Variants in CPT1A observed in about 807,000 individuals in gnomAD.
The protein encoded by CPT1A is carnitine palmitoyltransferase 1A.
A neutral mutation model predicts 100.8 loss-of-function variants in CPT1A; 64 were observed. The ratio of observed to expected loss-of-function variants is 0.63; its 90% CI spans 0.52 to 0.78. CPT1A has a LOEUF of 0.78. Ranked by LOEUF, CPT1A falls within the 30% of genes least tolerant of loss-of-function variation. CPT1A has a pLI of 0.00. For synonymous variants in CPT1A, 363 were observed against 396.0 expected, an observed-to-expected ratio of 0.92 and a Z score of 0.99; for missense variants, 802 against 1,034.1, an observed-to-expected ratio of 0.78 and a Z score of 3.08.
In CPT1A at chr11:68,761,622, G is replaced by A. The variant is rs115731492; in HGVS notation, c.1941C>T (p.Ala647=). The A allele has an allele frequency of 6.2e-7, 1 of 1,614,098 alleles. No individual in the cohort carries two copies. Among genetic ancestry groups the A allele is most frequent in the East Asian group, 2.2e-5 (1 of 44,876 alleles). Residue 647 remains alanine (A), a synonymous_variant, in exon 16 of 19, where the codon GCC becomes GCT. Transcript: ENST00000265641. ...SEKHQHMYRL[A]MTGSGIDRHL... ...GACGATCGATCCCAGAGCCGGTCAT[G>A]GCGAGGCGATACATATGCTGATGCT... is the stretch of plus-strand genomic sequence containing the variant.
At chr11:68,834,453 A>C (rs1856959858) in intron 1 of CPT1A, among the ~76,000 whole-genome samples, 1 of 150,948 alleles carries the variant, frequency 6.6e-6, no homozygotes, top group African/African-American at 2.4e-5. Context: ...AAAAATAATA[A>C]AATAAAAGGA....
chr11:68,776,842 T>C (rs976476175), intron 12 of CPT1A, among the ~76,000 whole-genome samples: 14 of 152,162 alleles, frequency 9.2e-5, no homozygotes, highest in Non-Finnish European at 1.3e-4. Context: ...TGTACACTTT[T>C]AAAGGGTGGA....
chr11:68,804,275 A>G (rs557012302), intron 4 of CPT1A, among the ~76,000 whole-genome samples, 174 bp from the exon 5 acceptor site: 1 of 152,354 alleles, frequency 6.6e-6, no homozygotes, highest in Admixed American at 6.5e-5. Flanking sequence ...TCCCGTGCGC[A>G]CAATGTGCCA....
At chr11:68,816,997 G>GGT (rs1856430488) in intron 1 of CPT1A, among the ~76,000 whole-genome samples, 1 of 115,222 alleles carries the variant, frequency 8.7e-6, no homozygotes, top group African/African-American at 3.5e-5. Context: ...GTGGGTGTGT[G>GGT]TGTGGTATGT....
rs551691294 is a variant in CPT1A at position 68,779,573 on chromosome 11, A to C, written c.1458+1067T>G. ...CACTTTGGGAGGCCCAGGCAGGCAG[A>C]TCCCCTGTGCCCAGGAGTTCAAGAC... On this transcript the variant is annotated intron_variant, in intron 12 of 18. Coordinates refer to ENST00000265641, the MANE Select transcript of CPT1A (RefSeq NM_001876.4). Among the ~76,000 whole-genome samples, 104 of 151,686 alleles carry C rather than the reference A, an allele frequency of 6.9e-4. 2 individuals carry two copies. The South Asian group carries it at 0.021, about 31-fold the overall frequency.
chr11:68,773,316 G>A lies in CPT1A; in HGVS notation c.1689C>T (p.Arg563=). The change falls in exon 14 of 19, where the codon CGC becomes CGT. Residue 563 remains arginine, a synonymous_variant. Coordinates refer to ENST00000265641, the MANE Select transcript of CPT1A (RefSeq NM_001876.4). ...AFGKGIIKKC[R]TSPDAFVQLA... ...GCTGCACAAAGGCGTCTGGGCTCGT[G>A]CGACATTTCTTGATGATTCCTTTAC... 6.2e-7 allele frequency: 1 copy of A among 1,614,184 alleles called. No individual in the cohort carries two copies.
chr11:68,814,604 G>A lies in CPT1A; in HGVS notation c.141+730C>T, dbSNP rs142361340. Among the ~76,000 whole-genome samples the A allele has an allele frequency of 7.2e-5, 11 of 152,250 alleles. No individual in the cohort carries two copies. In the East Asian group the frequency reaches 1.9e-3, roughly 27 times the overall value. Reference sequence around the variant, plus strand: ...ATTACAGGTGTGAGCCACTGCACCCGGACCTTATGCAGAGAGTTTCTAATG... The same window carrying A: ...ATTACAGGTGTGAGCCACTGCACCCAGACCTTATGCAGAGAGTTTCTAATG... On this transcript the variant is annotated intron_variant, in intron 2 of 18. Coordinates refer to ENST00000265641, the MANE Select transcript of CPT1A (RefSeq NM_001876.4).
rs3019600 is a variant in CPT1A at position 68,794,706 on chromosome 11, C to T, written c.879+98G>A. The T allele has an allele frequency of 6.8e-4, 742 of 1,090,332 alleles. 3 individuals carry two copies. In the African/African-American group the frequency reaches 1.0e-2, roughly 15 times the overall value. 67.5% of individuals were successfully genotyped at this position (1,090,332 alleles called of 1,614,324 possible). On this transcript the variant is annotated intron_variant, in intron 8 of 18. Coordinates refer to ENST00000265641, the MANE Select transcript of CPT1A (RefSeq NM_001876.4). ...GATTACAGGCGTGAGACCCTGTGCC[C>T]GGCCACAAACTGTATATTTTAAACA...
intron 1 of CPT1A, among the ~76,000 whole-genome samples, chr11:68,833,195 G>A (rs1293753600): frequency 6.6e-6 from 1 of 152,208 alleles, no homozygotes; most frequent in Non-Finnish European, 1.5e-5. Flanking sequence ...GTACCAGGAA[G>A]GCTCTGGAAG....
intron 12 of CPT1A, among the ~76,000 whole-genome samples, chr11:68,776,650 G>A (rs945776887): frequency 3.3e-5 from 5 of 152,096 alleles, no homozygotes; most frequent in African/African-American, 1.2e-4. Context: ...AGGCCAAGGC[G>A]GGTAGATCAC....
At chr11:68,762,785 TGCACG>T in intron 14 of CPT1A, 24 bp from the exon 15 acceptor site, 1 of 1,613,838 alleles carries the variant, frequency 6.2e-7, no homozygotes, top group Non-Finnish European at 8.5e-7. Flanking sequence ...AGTACTTCAG[TGCACG>T]GCAGGGCATG....
intron 3 of CPT1A, among the ~76,000 whole-genome samples, chr11:68,809,399 G>A (rs529458252): frequency 6.6e-6 from 1 of 152,146 alleles, no homozygotes; most frequent in South Asian, 2.1e-4. Context: ...GATAAAAAAC[G>A]TTAGCAAAAA....
At chr11:68,805,489 C>T (rs1856017106) in intron 4 of CPT1A, among the ~76,000 whole-genome samples, 1 of 151,834 alleles carries the variant, frequency 6.6e-6, no homozygotes, top group South Asian at 2.1e-4. Context: ...GAGTGGAGTC[C>T]CGGTGTGTGG....
chr11:68,840,080 A>C (rs1344263417), intron 1 of CPT1A, among the ~76,000 whole-genome samples: 2 of 152,240 alleles, frequency 1.3e-5, no homozygotes, highest in Non-Finnish European at 2.9e-5. Flanking sequence ...CAGGAAGGAA[A>C]CCAGTAATTT....
In CPT1A at chr11:68,807,582, C is replaced by A. The variant is rs1173926559; in HGVS notation, c.338G>T (p.Gly113Val). Residue 113 changes from glycine (G) to valine (V), a missense_variant, in exon 4 of 19, where the codon GGC becomes GTC. Physicochemically the swap from Gly to Val is moderately radical, Grantham distance 109. Transcript: ENST00000265641. ...GGTGACGATGAGGGCCACCCACAGGCCGGTGCCAAACAGCACGCCGCTGAC... is the reference window on the plus strand; with the variant it reads ...GGTGACGATGAGGGCCACCCACAGGACGGTGCCAAACAGCACGCCGCTGAC... ...NVVSGVLFGTGLWVALIVTMR... is the reference protein window; with the variant it reads ...NVVSGVLFGTVLWVALIVTMR... 6.2e-7 allele frequency: 1 copy of A among 1,614,070 alleles called. No homozygotes were observed. Among genetic ancestry groups the A allele is most frequent in the Non-Finnish European group, 8.5e-7 (1 of 1,180,052 alleles).
At chr11:68,837,255 G>A (rs190303291) in intron 1 of CPT1A, among the ~76,000 whole-genome samples, 8 of 152,192 alleles carry the variant, frequency 5.3e-5, no homozygotes, top group Admixed American at 3.9e-4. Context: ...TCACTGTGTT[G>A]GCCAGGCTGG....
downstream of CPT1A, chr11:68,754,651 A>G: frequency 1.6e-6 from 1 of 617,038 alleles, no homozygotes; most frequent in Non-Finnish European, 3.0e-6. Flanking sequence ...AGCATCTTTT[A>G]TGTGTCAGGC....
chr11:68,773,553 C>T (rs1594327092), intron 13 of CPT1A, 124 bp from the exon 14 acceptor site: 7 of 1,531,494 alleles, frequency 4.6e-6, no homozygotes, highest in Admixed American at 2.0e-5. Flanking sequence ...AGTACACAAA[C>T]GTTTTCCTGA....
chr11:68,793,793 T>G (rs142216930), intron 8 of CPT1A, among the ~76,000 whole-genome samples: 4 of 151,990 alleles, frequency 2.6e-5, no homozygotes, highest in African/African-American at 7.2e-5. Context: ...GCAAGCAAGT[T>G]AAGACCACAT....
Sources: gnomAD v4.1 joint callset for allele counts (sites outside exome capture counted in the v4.1 genomes callset) on GRCh38, gnomAD v4.1.1 for gene constraint, MANE v1.5 for transcripts, NCBI Gene and HGNC (gene_info 2026-07-23, HGNC 2026-07-21) for gene names.